PLEKHA7: variants seen among roughly 807,000 people sequenced by gnomAD.
PLEKHA7 encodes pleckstrin homology domain-containing family A member 7.
A neutral mutation model predicts 170.0 loss-of-function variants in PLEKHA7; 104 were observed. The ratio of observed to expected loss-of-function variants is 0.61; its 90% confidence interval spans 0.52 to 0.72. PLEKHA7 has a LOEUF of 0.72. Among genes scored for constraint, PLEKHA7 ranks in the 30% least tolerant of loss-of-function variants. The probability of loss-of-function intolerance (pLI) is 0.00; values close to 1 mark genes in which losing one functional copy is unlikely to be tolerated. For synonymous variants in PLEKHA7, 648 were observed against 660.8 expected, an observed-to-expected ratio of 0.98 and a Z score of 0.30; for missense variants, 1,615 against 1,671.7, an observed-to-expected ratio of 0.97 and a Z score of 0.59.
At chr11:16,837,722 A>G (rs1010881129) in intron 9 of PLEKHA7, among the ~76,000 whole-genome samples, 1 of 152,194 alleles carries the variant, frequency 6.6e-6, no homozygotes, top group African/African-American at 2.4e-5. Context: ...CTGCTTAGGG[A>G]AGATGACCCA....
At chr11:16,924,652 G>C (rs1001657270) in intron 3 of PLEKHA7, among the ~76,000 whole-genome samples, 2 of 152,106 alleles carry the variant, frequency 1.3e-5, no homozygotes, top group South Asian at 2.1e-4. Context: ...GGAACCCTTC[G>C]GGGGCAGTGC....
intron 3 of PLEKHA7, among the ~76,000 whole-genome samples, chr11:16,994,456 C>T (rs910222000): frequency 2.6e-5 from 4 of 152,192 alleles, no homozygotes; most frequent in African/African-American, 7.2e-5. Flanking sequence ...CCCTCACCTG[C>T]TGCAGGGGAG....
chr11:16,822,915 T>C (rs1008609433), intron 10 of PLEKHA7, among the ~76,000 whole-genome samples: 3 of 152,228 alleles, frequency 2.0e-5, no homozygotes, highest in East Asian at 1.9e-4. Context: ...GATTCCAATG[T>C]GCAGCCTAGC....
chr11:16,907,536 C>T (rs1445724996), intron 3 of PLEKHA7, among the ~76,000 whole-genome samples: 1 of 118,806 alleles, frequency 8.4e-6, no homozygotes, highest in African/African-American at 3.1e-5. Flanking sequence ...CCCCGCCCAG[C>T]CAGCCGCCCC....
chr11:16,921,485 G>T (rs1347055003), intron 3 of PLEKHA7, among the ~76,000 whole-genome samples: 1 of 152,218 alleles, frequency 6.6e-6, no homozygotes, highest in Admixed American at 6.5e-5. Flanking sequence ...TTCAGACTTA[G>T]CCTGGGATAT....
At chr11:16,889,420 A>AAAAAAAAAAAAAAAAT (rs61086849) in intron 3 of PLEKHA7, among the ~76,000 whole-genome samples, 1 of 74,686 alleles carries the variant, frequency 1.3e-5, no homozygotes, top group Non-Finnish European at 2.4e-5. Context: ...AAAAAAAAAA[A>AAAAAAAAAAAAAAAAT]ATATATATAT....
chr11:16,955,285 T>C (rs116724340), intron 3 of PLEKHA7, among the ~76,000 whole-genome samples: 144 of 152,326 alleles, frequency 9.5e-4, no homozygotes, highest in African/African-American at 3.3e-3. Flanking sequence ...TTCCTACTTA[T>C]CCTTCAAGGC....
At chr11:16,876,531 T>C (rs1855306121) in intron 3 of PLEKHA7, among the ~76,000 whole-genome samples, 1 of 152,204 alleles carries the variant, frequency 6.6e-6, no homozygotes, top group Middle Eastern at 3.2e-3. Context: ...ATGATTCCCG[T>C]GAAAGCAGGC....
intron 3 of PLEKHA7, among the ~76,000 whole-genome samples, chr11:16,907,083 G>T (rs1402872382): frequency 5.7e-5 from 8 of 141,052 alleles, no homozygotes; most frequent in African/African-American, 2.3e-4. Flanking sequence ...GAGCGTCTCC[G>T]CCCGGCAGCC....
intron 3 of PLEKHA7, among the ~76,000 whole-genome samples, chr11:16,922,514 ACTCACAGGGTATAGGC>A (rs1859170849): frequency 6.6e-6 from 1 of 152,170 alleles, no homozygotes; most frequent in South Asian, 2.1e-4. Flanking sequence ...ATTCCTGGGT[ACTCACAGGGTATAGGC>A]CTGGAACACT....
At chr11:16,887,341 T>G (rs934584273) in intron 3 of PLEKHA7, among the ~76,000 whole-genome samples, 1 of 77,684 alleles carries the variant, frequency 1.3e-5, no homozygotes, top group East Asian at 1.1e-3. Context: ...GGTCTCCCTC[T>G]CCCTCTCCCC....
intron 4 of PLEKHA7, among the ~76,000 whole-genome samples, chr11:16,858,996 C>T (rs1853709714): frequency 6.6e-6 from 1 of 152,176 alleles, no homozygotes; most frequent in Admixed American, 6.5e-5. Flanking sequence ...CACATGAAGA[C>T]AGCTTGACTC....
chr11:16,859,549 G>A (rs1158642419), intron 4 of PLEKHA7, among the ~76,000 whole-genome samples: 1 of 152,172 alleles, frequency 6.6e-6, no homozygotes, highest in Non-Finnish European at 1.5e-5. Context: ...ACAGCCTCCC[G>A]AAGAGACAAC....
chr11:17,006,321 T>C (rs1188521271), intron 3 of PLEKHA7, among the ~76,000 whole-genome samples: 11 of 96,260 alleles, frequency 1.1e-4, no homozygotes, highest in East Asian at 3.6e-4. Context: ...AGAATGAAAC[T>C]CCATCTAAAA....
intron 13 of PLEKHA7, among the ~76,000 whole-genome samples, chr11:16,807,680 A>T (rs1199992696): frequency 1.3e-5 from 2 of 152,152 alleles, no homozygotes; most frequent in Non-Finnish European, 2.9e-5. Flanking sequence ...GTTCCACCAG[A>T]ACTGTGGTGC....
At chr11:16,878,531 C>T (rs1379542369) in intron 3 of PLEKHA7, among the ~76,000 whole-genome samples, 1 of 152,110 alleles carries the variant, frequency 6.6e-6, no homozygotes, top group Admixed American at 6.5e-5. Context: ...CCTTTTTGTT[C>T]CTTGAACACC....
intron 10 of PLEKHA7, among the ~76,000 whole-genome samples, chr11:16,818,116 C>G (rs1193968961): frequency 6.6e-6 from 1 of 152,172 alleles, no homozygotes; most frequent in Admixed American, 6.5e-5. Context: ...CCGTCCCAGC[C>G]TCCTCCACAC....
At chr11:16,855,744 A>T (rs1036104133) in intron 5 of PLEKHA7, 59 bp downstream of exon 5, 5 of 1,321,698 alleles carry the variant, frequency 3.8e-6, no homozygotes, top group Non-Finnish European at 5.4e-6. Context: ...TTCTGGTTAC[A>T]AAGGGGCTTG....
Position 16,778,874 on chromosome 11 carries a change from G to T in PLEKHA7, c.*124C>A. On this transcript the variant is annotated 3_prime_UTR_variant, in exon 27 of 27. Transcript: ENST00000531066. Reference sequence around the variant, plus strand: ...GGTGAACACCCGCAGTCGGTAAGCTGCTCCTTCCTCCGGCCGGATTCCCTG... The same window carrying T: ...GGTGAACACCCGCAGTCGGTAAGCTTCTCCTTCCTCCGGCCGGATTCCCTG... 2.9e-6 allele frequency: 2 copies of T among 693,568 alleles called. No homozygotes were observed. The highest frequency in any genetic ancestry group is 2.0e-5 in the Admixed American group (1 of 49,672). 43.0% of individuals were successfully genotyped at this position (693,568 alleles called of 1,614,324 possible).
Sources: gnomAD v4.1 joint callset for allele counts (sites outside exome capture counted in the v4.1 genomes callset) on GRCh38, gnomAD v4.1.1 for gene constraint, MANE v1.5 for transcripts, NCBI Gene and HGNC (gene_info 2026-07-23, HGNC 2026-07-21) for gene names.